Variants in VPS4A observed in about 807,000 individuals in gnomAD.
VPS4A encodes vacuolar protein sorting-associated protein 4A.
VPS4A carries 20 observed loss-of-function variants against 52.3 expected under a neutral mutation model. The ratio of observed to expected loss-of-function variants is 0.38; its 90% CI spans 0.27 to 0.56. The LOEUF (loss-of-function observed/expected upper bound fraction) is 0.56, where lower values mean the gene tolerates loss of function less well. VPS4A is among the 20% of genes least tolerant of loss of function. The pLI, the probability that VPS4A is intolerant of heterozygous loss-of-function variation, is 0.72. For synonymous variants in VPS4A, 293 were observed against 227.7 expected, an observed-to-expected ratio of 1.29 and a Z score of -2.58; for missense variants, 419 against 575.9, an observed-to-expected ratio of 0.73 and a Z score of 2.79.
In VPS4A at chr16:69,311,506, G is replaced by A; in HGVS notation, c.-6G>A. The A allele has an allele frequency of 7.4e-7, 1 of 1,357,144 alleles. No homozygotes were observed. Among genetic ancestry groups the A allele is most frequent in the South Asian group, 2.0e-5 (1 of 49,832 alleles). 84.1% of individuals were successfully genotyped at this position (1,357,144 alleles called of 1,614,324 possible). A position where few individuals can be genotyped will look rare whatever the true frequency, so the allele number is the denominator to read the frequency against. On this transcript the variant is annotated 5_prime_UTR_variant, in exon 1 of 11. Transcript: ENST00000254950. ...CGCGGGGTGTGGGGCGGACCCAGGA[G>A]ATGAAATGACAACGTCAACCCTCCA...
intron 1 of VPS4A, 119 bp downstream of exon 1, chr16:69,311,651 C>T: frequency 2.9e-6 from 3 of 1,038,392 alleles, no homozygotes; most frequent in Non-Finnish European, 3.7e-6. Context: ...CTCGCGACCC[C>T]GCTCCGGCCG....
In VPS4A at chr16:69,321,593, TATAAAATGACCAGGAAGAC is replaced by T; in HGVS notation, c.1071+324_1071+342del. 1 of 361,738 alleles carries T rather than the reference TATAAAATGACCAGGAAGAC, an allele frequency of 2.8e-6. No individual in the cohort carries two copies. The highest frequency in any genetic ancestry group is 5.2e-6 in the Non-Finnish European group (1 of 192,884). The allele number at this position is 361,738 out of a possible 1,614,324, so 22.4% of individuals were successfully genotyped here. A position where few individuals can be genotyped will look rare whatever the true frequency, so the allele number is the denominator to read the frequency against. Reference sequence around the variant, plus strand: ...AAATCAGTGTTTGGAAAGTGTTGGATATAAAATGACCAGGAAGACCTGTCTATTCATTCAGCAGATCTCT... The same window carrying T: ...AAATCAGTGTTTGGAAAGTGTTGGATCTGTCTATTCATTCAGCAGATCTCT... On this transcript the variant is annotated intron_variant, in intron 9 of 10. Coordinates refer to ENST00000254950, the MANE Select transcript of VPS4A (RefSeq NM_013245.3). The surrounding 1 kb of genome is among the most constrained non-coding windows in gnomAD (Gnocchi z 4.5).
At chr16:69,314,525 C>T (rs1040204646) in intron 1 of VPS4A, among the ~76,000 whole-genome samples, 2 of 152,080 alleles carry the variant, frequency 1.3e-5, no homozygotes, top group African/African-American at 4.8e-5. Flanking sequence ...GCAGCCTGTG[C>T]CTAAGCTCAT....
chr16:69,321,004 C>T lies in VPS4A; in HGVS notation c.852-47C>T, dbSNP rs1488707536. The T allele has an allele frequency of 3.3e-6, 5 of 1,526,960 alleles. No homozygotes were observed. The highest frequency in any genetic ancestry group is 3.6e-6 in the Non-Finnish European group (4 of 1,124,706). The allele number at this position is 1,526,960 out of a possible 1,614,324, so 94.6% of individuals were successfully genotyped here. ...TTCGTGCCTCCCCTTCCGTGAATAC[C>T]ATTCCATCATCCGCTGTCAACTCCT... On this transcript the variant is annotated intron_variant, in intron 8 of 10. Coordinates refer to ENST00000254950, the MANE Select transcript of VPS4A (RefSeq NM_013245.3). The surrounding 1 kb of genome is among the most constrained non-coding windows in gnomAD (Gnocchi z 4.5).
intron 3 of VPS4A, among the ~76,000 whole-genome samples, chr16:69,317,414 T>G (rs1965450508): frequency 6.6e-6 from 1 of 152,264 alleles, no homozygotes; most frequent in East Asian, 1.9e-4. Context: ...TCCCAGCACT[T>G]TGGGAGGCCA....
chr16:69,311,798 T>TG (rs939856100), intron 1 of VPS4A, among the ~76,000 whole-genome samples: 4 of 152,066 alleles, frequency 2.6e-5, no homozygotes, highest in African/African-American at 9.7e-5. Context: ...GGTACCGCCG[T>TG]GGGGATCAGC....
intron 3 of VPS4A, 25 bp downstream of exon 3, chr16:69,316,397 GGAACCTGGGC>G: frequency 6.2e-7 from 1 of 1,611,922 alleles, no homozygotes; most frequent in Non-Finnish European, 8.5e-7. Flanking sequence ...CGTCCGCCCA[GGAACCTGGGC>G]CCTCCTCACG....
At chr16:69,322,505 C>T (rs777200235) in intron 9 of VPS4A, 55 bp from the exon 10 acceptor site, 25 of 1,549,320 alleles carry the variant, frequency 1.6e-5, no homozygotes, top group East Asian at 2.3e-5. Flanking sequence ...CCGGAGGGGT[C>T]GAGCCCCTCT....
chr16:69,315,712 A>G (rs1306947368), intron 1 of VPS4A, among the ~76,000 whole-genome samples: 1 of 152,178 alleles, frequency 6.6e-6, no homozygotes, highest in East Asian at 1.9e-4. Context: ...AGAAAGTCCC[A>G]TGAACTTGCC....
At position 69,325,430 on chromosome 16, in the gene VPS4A, C is replaced by A. The variant is rs867281541; in HGVS notation, c.*1121C>A. 1 of 74,520 alleles carries A rather than the reference C, an allele frequency of 1.3e-5. No individual in the cohort carries two copies. The highest frequency in any genetic ancestry group is 1.2e-4 in the Admixed American group (1 of 8,580). The allele number at this position is 74,520 out of a possible 1,614,324, so 4.6% of individuals were successfully genotyped here. On this transcript the variant is annotated 3_prime_UTR_variant, in exon 11 of 11. Transcript: ENST00000254950. ...CGCCTGTAATCCCAGCACTTTGGGC[C>A]GCTAACATTTAAAAGTCGAGAGTTG...
intron 1 of VPS4A, 70 bp downstream of exon 1, chr16:69,311,602 G>T: frequency 8.1e-7 from 1 of 1,228,190 alleles, no homozygotes; most frequent in African/African-American, 1.6e-5. Flanking sequence ...AGAGCCGGGC[G>T]GCGGGCGGGT....
chr16:69,324,126 C>T (rs1965552553), intron 10 of VPS4A, 82 bp from the exon 11 acceptor site: 4 of 1,422,734 alleles, frequency 2.8e-6, no homozygotes, highest in Non-Finnish European at 3.9e-6. Context: ...TTCCCACCCT[C>T]AGCTGCGCCT....
chr16:69,320,849 G>A lies in VPS4A; in HGVS notation c.851+80G>A. 1 of 1,416,398 alleles carries A rather than the reference G, an allele frequency of 7.1e-7. No individual in the cohort carries two copies. The highest frequency in any genetic ancestry group is 9.7e-7 in the Non-Finnish European group (1 of 1,029,082). The allele number at this position is 1,416,398 out of a possible 1,614,324, so 87.7% of individuals were successfully genotyped here. A position where few individuals can be genotyped will look rare whatever the true frequency, so the allele number is the denominator to read the frequency against. ...GGTCCGCCTGCTGCTGGCAGCCCGG[G>A]TGCAGCCTGGCCCCTTTTCCCTGGA... On this transcript the variant is annotated intron_variant, in intron 8 of 10. Transcript: ENST00000254950. The surrounding 1 kb of genome is among the most constrained non-coding windows in gnomAD (Gnocchi z 4.2).
chr16:69,324,200 C>T lies in VPS4A; in HGVS notation c.1213-8C>T, dbSNP rs1197379745. 1.4e-5 allele frequency: 22 copies of T among 1,612,074 alleles called. No individual in the cohort carries two copies. Among genetic ancestry groups the T allele is most frequent in the Non-Finnish European group, 1.9e-5 (22 of 1,179,192 alleles). The stretch of plus-strand genomic sequence containing the variant: ...CTCCTGCTCAGGCACATACTGTTGC[C>T]TTCACAGTCGGACATGCTGCGGTCT... On this transcript the variant is annotated splice_polypyrimidine_tract_variant and splice_region_variant and intron_variant, in intron 10 of 10. Coordinates refer to ENST00000254950, the MANE Select transcript of VPS4A (RefSeq NM_013245.3).
Position 69,320,264 on chromosome 16 carries a change from A to G in VPS4A, c.744A>G (p.Lys248=). 1 of 1,613,940 alleles carries G rather than the reference A, an allele frequency of 6.2e-7. No individual in the cohort carries two copies. Among genetic ancestry groups the G allele is most frequent in the Non-Finnish European group, 8.5e-7 (1 of 1,179,798 alleles). Reference sequence around the variant, plus strand: ...AGAGTGAGGCCGCCCGGAGGATCAAAACGGAGTTCTTGGTCCAGATGCAGG... The same window carrying G: ...AGAGTGAGGCCGCCCGGAGGATCAAGACGGAGTTCTTGGTCCAGATGCAGG... ...ENESEAARRI[K]TEFLVQMQGV... The change falls in exon 7 of 11, where the codon AAA becomes AAG. Residue 248 remains lysine (K), a synonymous_variant. Transcript: ENST00000254950. The surrounding 1 kb of genome is among the most constrained non-coding windows in gnomAD (Gnocchi z 4.2).
Position 69,320,137 on chromosome 16 carries a change from A to T in VPS4A, c.621-4A>T, listed in dbSNP as rs1965492850. 1 of 1,611,988 alleles carries T rather than the reference A, an allele frequency of 6.2e-7. No individual in the cohort carries two copies. Among genetic ancestry groups the T allele is most frequent in the Non-Finnish European group, 8.5e-7 (1 of 1,178,488 alleles). The stretch of plus-strand genomic sequence containing the variant: ...TGTCCTCACCCCCTTTCTCACCTTC[A>T]CAGGCTGGTCAAGAACCTGTTTGAG... On this transcript the variant is annotated splice_region_variant and splice_polypyrimidine_tract_variant and intron_variant, in intron 6 of 10. Coordinates refer to ENST00000254950, the MANE Select transcript of VPS4A (RefSeq NM_013245.3). This position sits in a 1 kb window ranked among gnomAD's most constrained non-coding sequence, Gnocchi z 4.2.
intron 1 of VPS4A, among the ~76,000 whole-genome samples, chr16:69,315,031 C>T (rs1249980916): frequency 1.3e-5 from 2 of 151,860 alleles, no homozygotes; most frequent in African/African-American, 2.4e-5. Context: ...GTCAGGAGTT[C>T]GAGACCAGCC....
chr16:69,322,760 G>T lies in VPS4A; in HGVS notation c.1212+60G>T, dbSNP rs529459412. ...ACAGAGCCCAGAAAATTGAGGGTTT[G>T]GGTCCAGAATAAAAACGGTCTTCTC... is the stretch of plus-strand genomic sequence containing the variant. On this transcript the variant is annotated intron_variant, in intron 10 of 10. Coordinates refer to ENST00000254950, the MANE Select transcript of VPS4A (RefSeq NM_013245.3). The T allele has an allele frequency of 2.4e-5, 38 of 1,553,142 alleles. No individual in the cohort carries two copies. The African/African-American group carries it at 4.1e-4, about 17-fold the overall frequency.
In VPS4A at chr16:69,319,406, G is replaced by A. The variant is rs555597561; in HGVS notation, c.483G>A (p.Arg161=). The A allele has an allele frequency of 2.7e-5, 43 of 1,613,950 alleles. 1 individual carries two copies. Among genetic ancestry groups the A allele is most frequent in the Middle Eastern group, 3.3e-4 (2 of 6,062 alleles). ...HLFTGKRTPW[R]GILLFGPPGT... Reference sequence around the variant, plus strand: ...TTGCAGGCAAGCGCACCCCCTGGCGGGGGATTCTGCTGTTCGGACCCCCTG... The same window carrying A: ...TTGCAGGCAAGCGCACCCCCTGGCGAGGGATTCTGCTGTTCGGACCCCCTG... The change falls in exon 6 of 11, where the codon CGG becomes CGA. Residue 161 remains arginine, a synonymous_variant. Transcript: ENST00000254950.
Sources: allele counts gnomAD v4.1 joint callset (sites outside exome capture counted in the v4.1 genomes callset), GRCh38; gene constraint gnomAD v4.1.1; non-coding constraint Gnocchi (gnomAD v3.1); transcripts MANE v1.5; gene names NCBI Gene and HGNC (gene_info 2026-07-23, HGNC 2026-07-21).